The following RSBN1 variants were observed in gnomAD, a reference collection of about 807,000 sequenced individuals.
RSBN1 encodes lysine-specific demethylase 9.
A neutral mutation model predicts 74.8 loss-of-function variants in RSBN1; 23 were observed. The observed-to-expected ratio is 0.31, with a 90% CI of 0.22 to 0.44. The LOEUF (loss-of-function observed/expected upper bound fraction) is 0.44. Ranked by LOEUF, RSBN1 falls within the 20% of genes least tolerant of loss-of-function variation. RSBN1 has a pLI of 1.00. For synonymous variants in RSBN1, 407 were observed against 379.6 expected (o/e 1.07, Z -0.84); for missense variants, 808 against 1,020.9 (o/e 0.79, Z 2.84).
intron 4 of RSBN1, among the ~76,000 whole-genome samples, chr1:113,771,448 A>C (rs1429400975): frequency 6.6e-6 from 1 of 152,050 alleles, no homozygotes. Flanking sequence ...TCCTAGGTGG[A>C]TAACTGAAAT....
intron 2 of RSBN1, among the ~76,000 whole-genome samples, chr1:113,789,247 G>C (rs1660318264): frequency 6.6e-6 from 1 of 152,048 alleles, no homozygotes; most frequent in African/African-American, 2.4e-5. Flanking sequence ...CATAATGAAG[G>C]CTTCATAAAA....
intron 5 of RSBN1, chr1:113,767,921 C>T (rs1375531073): frequency 9.1e-6 from 2 of 218,618 alleles, no homozygotes; most frequent in Non-Finnish European, 1.8e-5. Flanking sequence ...GTAAAGTAGT[C>T]AAATTCATAG....
At chr1:113,788,643 A>T (rs1660305237) in intron 2 of RSBN1, among the ~76,000 whole-genome samples, 1 of 152,174 alleles carries the variant, frequency 6.6e-6, no homozygotes, top group Admixed American at 6.5e-5. Flanking sequence ...TGCCTTTATA[A>T]AGCTAAGAAA....
chr1:113,807,004 C>A (rs1018198719), intron 1 of RSBN1, among the ~76,000 whole-genome samples: 4 of 151,620 alleles, frequency 2.6e-5, no homozygotes, highest in African/African-American at 9.7e-5. Flanking sequence ...CTGAGTGAGA[C>A]CCTCCCCAAA....
intron 1 of RSBN1, among the ~76,000 whole-genome samples, chr1:113,801,330 A>AC (rs1378505377): frequency 6.6e-6 from 1 of 152,150 alleles, no homozygotes; most frequent in Non-Finnish European, 1.5e-5. Flanking sequence ...AGAAAGCTTG[A>AC]CTTTTTTTAC....
intron 2 of RSBN1, among the ~76,000 whole-genome samples, chr1:113,783,553 G>A (rs1433759540): frequency 6.6e-6 from 1 of 152,116 alleles, no homozygotes; most frequent in Admixed American, 6.5e-5. Context: ...CTTCTTTTTA[G>A]TAAGAAAATT....
At chr1:113,808,844 G>A (rs1218478360) in intron 1 of RSBN1, among the ~76,000 whole-genome samples, 2 of 152,168 alleles carry the variant, frequency 1.3e-5, no homozygotes, top group African/African-American at 2.4e-5. Context: ...TGTGGTGGTG[G>A]AACAGTTCTG....
At chr1:113,779,385 T>C (rs1472308257) in intron 2 of RSBN1, among the ~76,000 whole-genome samples, 2 of 152,222 alleles carry the variant, frequency 1.3e-5, no homozygotes, top group Non-Finnish European at 2.9e-5. Context: ...GCTGTAGATC[T>C]TGTTCTCAAA....
intron 4 of RSBN1, among the ~76,000 whole-genome samples, chr1:113,773,763 G>A (rs568903143): frequency 2.0e-5 from 3 of 152,272 alleles, no homozygotes; most frequent in South Asian, 4.1e-4. Flanking sequence ...CCAGCACTTG[G>A]GGAGGCTGAG....
intron 2 of RSBN1, among the ~76,000 whole-genome samples, chr1:113,794,751 A>G (rs1660437838): frequency 6.6e-6 from 1 of 152,040 alleles, no homozygotes; most frequent in Admixed American, 6.6e-5. Flanking sequence ...GCGTACCTCT[A>G]CTCAAGTAGT....
rs529252900 is a variant in RSBN1, at chr1:113,811,975, C to T, written c.438G>A (p.Pro146=). 2.5e-6 allele frequency: 4 copies of T among 1,569,658 alleles called. No homozygotes were observed. The highest frequency in any genetic ancestry group is 1.9e-5 in the Admixed American group (1 of 52,858). Residue 146 remains proline (P), a synonymous_variant, in exon 1 of 7, where the codon CCG becomes CCA. Coordinates refer to ENST00000261441, the MANE Select transcript of RSBN1 (RefSeq NM_018364.5). ...CGGCGGGTGCCAGCGAAGGTGGCGG[C>T]GGAGGCGGCAGGAGAAGAGGCTCAA... ...GPVEPLLLPP[P]PPPSLAPAGP...
Position 113,812,081 on chromosome 1 carries a change from G to C in RSBN1, c.332C>G (p.Pro111Arg). 1 of 1,582,438 alleles carries C rather than the reference G, an allele frequency of 6.3e-7. No homozygotes were observed. Among genetic ancestry groups the C allele is most frequent in the Non-Finnish European group, 8.6e-7 (1 of 1,165,998 alleles). The change falls in exon 1 of 7, where the codon CCC becomes CGC. Residue 111 changes from proline (P) to arginine (R), a missense_variant. Transcript: ENST00000261441. ...GCGGCTGCGACGCCGCCGGTGAGGG[G>C]GAGCGAGAGGGGGCTCCTGGCTCGG... The part of the protein sequence containing the change: ...GRPSQEPPLA[P>R]PHRRRRSRQH...
intron 2 of RSBN1, among the ~76,000 whole-genome samples, chr1:113,795,749 G>A (rs1220448038): frequency 6.6e-6 from 1 of 152,118 alleles, no homozygotes; most frequent in Non-Finnish European, 1.5e-5. Context: ...ATTAATTGGA[G>A]GACAAAAATC....
intron 2 of RSBN1, among the ~76,000 whole-genome samples, chr1:113,791,510 G>T (rs1175449157): frequency 1.3e-5 from 2 of 152,172 alleles, no homozygotes; most frequent in Non-Finnish European, 2.9e-5. Context: ...GTGTATGGGG[G>T]TTGAGAGCGG....
intron 4 of RSBN1, among the ~76,000 whole-genome samples, chr1:113,771,991 C>T (rs1039175811): frequency 6.6e-6 from 1 of 151,648 alleles, no homozygotes; most frequent in African/African-American, 2.4e-5. Context: ...GTTTTAAGTA[C>T]GTAGGTGAAA....
rs1419790907 is a variant in RSBN1 at position 113,766,234 on chromosome 1, T to G, written c.2155A>C (p.Asn719His). ...TTTCCAGTTAAACCACAGTCCATGT[T>G]AGAATTGCTTTCTGTGTTTTGAGTG... ...EATQNTESNS[N>H]MDCGLTGKRE... The change falls in exon 7 of 7, where the codon AAC becomes CAC. Residue 719 changes from asparagine (N) to histidine (H), a missense_variant. Transcript: ENST00000261441. The G allele has an allele frequency of 6.2e-7, 1 of 1,614,142 alleles. No individual in the cohort carries two copies. The highest frequency in any genetic ancestry group is 8.5e-7 in the Non-Finnish European group (1 of 1,179,978).
intron 4 of RSBN1, among the ~76,000 whole-genome samples, chr1:113,770,731 C>T (rs541549069): frequency 1.9e-3 from 291 of 152,090 alleles, no homozygotes; most frequent in Admixed American, 6.9e-3. Flanking sequence ...ATGGGTCAAC[C>T]GAGAATCACC....
At chr1:113,782,987 T>C (rs1277976764) in intron 2 of RSBN1, among the ~76,000 whole-genome samples, 1 of 152,222 alleles carries the variant, frequency 6.6e-6, no homozygotes, top group Non-Finnish European at 1.5e-5. Flanking sequence ...GATTATTTCG[T>C]TGTTGTTGTT....
chr1:113,769,570 A>G (rs948129392), intron 4 of RSBN1, among the ~76,000 whole-genome samples: 2 of 152,202 alleles, frequency 1.3e-5, no homozygotes, highest in Non-Finnish European at 2.9e-5. Flanking sequence ...TTATGTGCTC[A>G]AGAATTTCTA....
Sources: gnomAD v4.1 joint callset for allele counts (sites outside exome capture counted in the v4.1 genomes callset) on GRCh38, gnomAD v4.1.1 for gene constraint, MANE v1.5 for transcripts, NCBI Gene and HGNC (gene_info 2026-07-23, HGNC 2026-07-21) for gene names.